The following TRAF3 variants were observed in gnomAD, a reference collection of about 807,000 sequenced individuals.
TRAF3 encodes the protein TNF receptor-associated factor 3.
In TRAF3, 13 loss-of-function variants were observed where a neutral mutation model predicts 62.3. The ratio of observed to expected loss-of-function variants is 0.21; its 90% CI spans 0.14 to 0.33. The LOEUF (loss-of-function observed/expected upper bound fraction) is 0.33, where lower values mean the gene tolerates loss of function less well. Ranked by LOEUF, TRAF3 falls within the 10% of genes least tolerant of loss-of-function variation. The pLI, the probability that TRAF3 is intolerant of heterozygous loss-of-function variation, is 1.00. For missense variants in TRAF3, 440 were observed against 741.8 expected (o/e 0.59, Z 4.73); for synonymous variants, 269 against 283.4 (o/e 0.95, Z 0.51).
At chr14:102,834,415 C>T (rs1211705122) in intron 2 of TRAF3, among the ~76,000 whole-genome samples, 1 of 151,884 alleles carries the variant, frequency 6.6e-6, no homozygotes, top group Non-Finnish European at 1.5e-5. Context: ...TGGACCCCTT[C>T]CGGCTGGGCG....
intron 6 of TRAF3, among the ~76,000 whole-genome samples, chr14:102,881,403 A>G (rs956926909): frequency 4.6e-5 from 7 of 151,804 alleles, no homozygotes; most frequent in African/African-American, 1.4e-4. Flanking sequence ...AACAAAAAAA[A>G]AAAAAAAGAA....
chr14:102,902,465 C>T (rs1246435004), intron 10 of TRAF3, among the ~76,000 whole-genome samples: 2 of 152,150 alleles, frequency 1.3e-5, no homozygotes, highest in African/African-American at 4.8e-5. Flanking sequence ...GACCCAGCAG[C>T]AGGGTAGGAG....
intron 1 of TRAF3, among the ~76,000 whole-genome samples, chr14:102,822,043 A>G (rs1900018254): frequency 1.3e-5 from 2 of 152,240 alleles, no homozygotes; most frequent in Admixed American, 1.3e-4. Context: ...CTCCATCTCA[A>G]ATAAAATAAA....
chr14:102,887,957 C>T (rs533530507), intron 7 of TRAF3, among the ~76,000 whole-genome samples: 84 of 152,184 alleles, frequency 5.5e-4, no homozygotes, highest in African/African-American at 2.0e-3. Flanking sequence ...ATGAAAGGTG[C>T]TTTTGAGCTA....
At position 102,881,319 on chromosome 14, in the gene TRAF3, G is replaced by C. The variant is rs904982707; in HGVS notation, c.570+4794G>C. Among the ~76,000 whole-genome samples the C allele has an allele frequency of 2.0e-5, 3 of 151,966 alleles. No homozygotes were observed. The East Asian group carries it at 5.8e-4, about 29-fold the overall frequency. On this transcript the variant is annotated intron_variant, in intron 6 of 11. Transcript: ENST00000392745. ...GAATCACTTGGACCCGGGAAGTGGA[G>C]GTTGCAGTGAGCCAAGATTGTGCCA...
intron 2 of TRAF3, among the ~76,000 whole-genome samples, chr14:102,856,323 G>A (rs1408549471): frequency 6.6e-6 from 1 of 152,108 alleles, no homozygotes; most frequent in Non-Finnish European, 1.5e-5. Context: ...TTATTCATGA[G>A]TTTTATGGGA....
In TRAF3 at chr14:102,867,228, CTCTT is replaced by C. The variant is rs1175248226; in HGVS notation, c.-17-2953_-17-2950del. ...AGAGTCCAGAGCAAGGACTGGTAAA[CTCTT>C]TCTGTTACGGGCAAGAGAGTAAATA... On this transcript the variant is annotated intron_variant, in intron 2 of 11. Coordinates refer to ENST00000392745, the MANE Select transcript of TRAF3 (RefSeq NM_145725.3). Among the ~76,000 whole-genome samples the C allele has an allele frequency of 3.9e-5, 6 of 152,336 alleles. No homozygotes were observed. In the East Asian group the frequency reaches 5.8e-4, roughly 15 times the overall value.
intron 1 of TRAF3, among the ~76,000 whole-genome samples, chr14:102,812,000 T>C (rs1467988963): frequency 7.3e-6 from 1 of 136,860 alleles, no homozygotes; most frequent in Admixed American, 8.2e-5. Context: ...TGGCCTCAAG[T>C]GGTCTTCCTG....
intron 1 of TRAF3, among the ~76,000 whole-genome samples, chr14:102,805,168 A>G (rs550613113): frequency 6.2e-4 from 95 of 152,292 alleles, no homozygotes; most frequent in African/African-American, 2.2e-3. Flanking sequence ...TTTTGGTCTC[A>G]TTATCAGACA....
chr14:102,822,030 A>T (rs1900016915), intron 1 of TRAF3, among the ~76,000 whole-genome samples: 1 of 152,246 alleles, frequency 6.6e-6, no homozygotes, highest in South Asian at 2.1e-4. Context: ...TGACAGAGTG[A>T]GACTCCATCT....
intron 10 of TRAF3, chr14:102,902,979 A>G (rs758559630): frequency 3.3e-5 from 16 of 490,128 alleles, no homozygotes; most frequent in Non-Finnish European, 5.2e-5. Flanking sequence ...CTCTCTGTTG[A>G]CAAAGCAAGC....
chr14:102,905,841 G>C lies in TRAF3; in HGVS notation c.*57G>C, dbSNP rs998752422. ...GCAACTCCTCTGGGGGATTTGAACC[G>C]GTCTGTCTTCACTGAGGTCCTCGCG... On this transcript the variant is annotated 3_prime_UTR_variant, in exon 12 of 12. Coordinates refer to ENST00000392745, the MANE Select transcript of TRAF3 (RefSeq NM_145725.3). The C allele has an allele frequency of 4.6e-6, 7 of 1,505,730 alleles. No homozygotes were observed. In the East Asian group the frequency reaches 6.8e-5, roughly 15 times the overall value. The allele number at this position is 1,505,730 out of a possible 1,614,324, so 93.3% of individuals were successfully genotyped here.
chr14:102,783,904 G>A (rs527702202), intron 1 of TRAF3, among the ~76,000 whole-genome samples: 1 of 152,256 alleles, frequency 6.6e-6, no homozygotes, highest in East Asian at 1.9e-4. Flanking sequence ...GACATCACTT[G>A]CTTATTATGA....
chr14:102,876,681 C>T (rs1888676050), intron 6 of TRAF3, 156 bp downstream of exon 6: 1 of 1,007,200 alleles, frequency 9.9e-7, no homozygotes, highest in Admixed American at 2.0e-5. Flanking sequence ...CATAGATATT[C>T]CGTTCCACAG....
chr14:102,883,604 G>A (rs1259362749), intron 6 of TRAF3, among the ~76,000 whole-genome samples: 1 of 150,476 alleles, frequency 6.6e-6, no homozygotes. Context: ...CTTTTTTTTC[G>A]AGGCAGTGTC....
At position 102,878,863 on chromosome 14, in the gene TRAF3, C is replaced by T. The variant is rs569021586; in HGVS notation, c.570+2338C>T. On this transcript the variant is annotated intron_variant, in intron 6 of 11. Transcript: ENST00000392745. ...AGAACTGGGAGGGTGAGAGGGGCCC[C>T]GGGGCAAGGCCTGGTGTTGCTGGGG... is the stretch of plus-strand genomic sequence containing the variant. 4.6e-5 allele frequency among the ~76,000 whole-genome samples: 7 copies of T among 151,722 alleles called. No homozygotes were observed. In the East Asian group the frequency reaches 7.8e-4, roughly 17 times the overall value.
intron 2 of TRAF3, among the ~76,000 whole-genome samples, chr14:102,868,846 A>G (rs1595377595): frequency 6.6e-6 from 1 of 152,186 alleles, no homozygotes; most frequent in East Asian, 1.9e-4. Flanking sequence ...GGTTATTTTC[A>G]TTTACTTGAT....
intron 1 of TRAF3, among the ~76,000 whole-genome samples, chr14:102,785,491 A>G (rs1897454400): frequency 6.6e-6 from 1 of 152,212 alleles, no homozygotes; most frequent in Admixed American, 6.5e-5. Flanking sequence ...TGTGTCTTAC[A>G]GGGTTTTACA....
chr14:102,818,957 A>T (rs1899721027), intron 1 of TRAF3, among the ~76,000 whole-genome samples: 1 of 152,070 alleles, frequency 6.6e-6, no homozygotes. Context: ...TTTGTCAATT[A>T]AATTTTTTAA....
Sources: gnomAD v4.1 joint callset for allele counts (sites outside exome capture counted in the v4.1 genomes callset) on GRCh38, gnomAD v4.1.1 for gene constraint, MANE v1.5 for transcripts, NCBI Gene and HGNC (gene_info 2026-07-23, HGNC 2026-07-21) for gene names.